POLE4: variants seen among roughly 807,000 people sequenced by gnomAD.
POLE4 encodes the protein DNA polymerase epsilon subunit 4.
Under a neutral mutation model 15.6 loss-of-function variants are expected in POLE4, and 15 were observed. The ratio of observed to expected loss-of-function variants is 0.96; its 90% confidence interval spans 0.64 to 1.48. The LOEUF (loss-of-function observed/expected upper bound fraction) is 1.48, where lower values mean the gene tolerates loss of function less well. POLE4 is among the 40% of genes most tolerant of loss of function. The probability of loss-of-function intolerance (pLI) is 0.00; values close to 1 mark genes in which losing one functional copy is unlikely to be tolerated. For missense variants in POLE4, 205 were observed against 151.9 expected, an observed-to-expected ratio of 1.35 and a Z score of -1.84; for synonymous variants, 83 against 63.2, an observed-to-expected ratio of 1.31 and a Z score of -1.49.
chr2:74,967,082 G>C (rs1238947215), intron 3 of POLE4, among the ~76,000 whole-genome samples: 3 of 152,050 alleles, frequency 2.0e-5, no homozygotes, highest in East Asian at 3.9e-4. Context: ...TATGTAGTTT[G>C]TTTGAGCTTC....
At chr2:74,968,255 T>A (rs1011799609) in intron 3 of POLE4, among the ~76,000 whole-genome samples, 2 of 152,322 alleles carry the variant, frequency 1.3e-5, no homozygotes, top group African/African-American at 2.4e-5. Flanking sequence ...TATTTTTTTT[T>A]AAATTAGAAG....
At chr2:74,964,983 A>G (rs1009702742) in intron 3 of POLE4, among the ~76,000 whole-genome samples, 15 of 152,114 alleles carry the variant, frequency 9.9e-5, no homozygotes, top group Non-Finnish European at 1.8e-4. Context: ...TAGATTTTTT[A>G]ACAGATTATG....
Position 74,958,664 on chromosome 2 carries a change from C to T in POLE4, c.-16C>T, listed in dbSNP as rs998283607. On this transcript the variant is annotated 5_prime_UTR_variant, in exon 1 of 4. Transcript: ENST00000483063. ...GCGCACAGTCGGCGGCCGCGCGCAGCACGCTCAAGGCCGGGATGGCGGCGG... is the reference window on the plus strand; with the variant it reads ...GCGCACAGTCGGCGGCCGCGCGCAGTACGCTCAAGGCCGGGATGGCGGCGG... The T allele has an allele frequency of 7.1e-6, 10 of 1,413,592 alleles. No homozygotes were observed. Among genetic ancestry groups the T allele is most frequent in the Middle Eastern group, 2.2e-4 (1 of 4,458 alleles). 87.6% of individuals were successfully genotyped at this position (1,413,592 alleles called of 1,614,324 possible).
Position 74,969,523 on chromosome 2 carries a change from C to T in POLE4, c.*101C>T, listed in dbSNP as rs532837024. The T allele has an allele frequency of 8.8e-6, 9 of 1,028,056 alleles. No individual in the cohort carries two copies. Among genetic ancestry groups the T allele is most frequent in the Non-Finnish European group, 1.4e-5 (9 of 645,256 alleles). 63.7% of individuals were successfully genotyped at this position (1,028,056 alleles called of 1,614,324 possible). On this transcript the variant is annotated 3_prime_UTR_variant, in exon 4 of 4. Transcript: ENST00000483063. ...AGAACGGAGTCTTTGCACTTACACA[C>T]ACTCTTCCTGTTCTGCCTTCACCTA...
intron 2 of POLE4, 141 bp from the exon 3 acceptor site, chr2:74,959,964 A>T (rs1671191920): frequency 1.5e-6 from 1 of 686,344 alleles, no homozygotes; most frequent in Non-Finnish European, 2.6e-6. Flanking sequence ...GTAGATATGG[A>T]TCTCAAGGCA....
In POLE4 at chr2:74,958,670, C is replaced by T. The variant is rs553748937; in HGVS notation, c.-10C>T. 18 of 1,441,044 alleles carry T rather than the reference C, an allele frequency of 1.2e-5. No homozygotes were observed. Among genetic ancestry groups the T allele is most frequent in the Non-Finnish European group, 1.6e-5 (18 of 1,104,018 alleles). The allele number at this position is 1,441,044 out of a possible 1,614,324, so 89.3% of individuals were successfully genotyped here. On this transcript the variant is annotated 5_prime_UTR_variant, in exon 1 of 4. Coordinates refer to ENST00000483063, the MANE Select transcript of POLE4 (RefSeq NM_019896.4). ...AGTCGGCGGCCGCGCGCAGCACGCT[C>T]AAGGCCGGGATGGCGGCGGCGGCGG...
At chr2:74,961,892 G>A (rs1671225740) in intron 3 of POLE4, among the ~76,000 whole-genome samples, 1 of 152,044 alleles carries the variant, frequency 6.6e-6, no homozygotes, top group Admixed American at 6.5e-5. Context: ...ATGTCCTTAG[G>A]TGTGTATGGT....
chr2:74,959,024 G>A, intron 1 of POLE4, 132 bp downstream of exon 1: 2 of 785,432 alleles, frequency 2.5e-6, no homozygotes, highest in Non-Finnish European at 2.0e-6. Context: ...CCCGGAAGGC[G>A]GAGGAAAGGG....
intron 3 of POLE4, among the ~76,000 whole-genome samples, chr2:74,964,778 A>G (rs992450959): frequency 3.3e-5 from 5 of 152,126 alleles, no homozygotes; most frequent in African/African-American, 9.7e-5. Flanking sequence ...ACATAGTAGT[A>G]TATCATCTGC....
intron 2 of POLE4, chr2:74,959,689 A>AT (rs529775387): frequency 1.2e-4 from 49 of 425,968 alleles, no homozygotes; most frequent in African/African-American, 9.6e-4. Context: ...AGAAAAAGAT[A>AT]TTTCTTTTTC....
chr2:74,968,630 T>G (rs1167607295), intron 3 of POLE4, among the ~76,000 whole-genome samples: 8 of 151,764 alleles, frequency 5.3e-5, no homozygotes, highest in African/African-American at 9.7e-5. Context: ...ATCTTTGTTT[T>G]TTTTTTTTTT....
intron 3 of POLE4, chr2:74,960,637 G>A: frequency 2.1e-6 from 1 of 468,000 alleles, no homozygotes; most frequent in African/African-American, 2.0e-5. Flanking sequence ...CATTAAAAAA[G>A]AAAATATTTG....
intron 1 of POLE4, 137 bp from the exon 2 acceptor site, chr2:74,959,204 A>G (rs1320573937): frequency 1.6e-6 from 1 of 638,492 alleles, no homozygotes. Flanking sequence ...CATGAAGTCC[A>G]GGACAATCTT....
intron 3 of POLE4, chr2:74,960,531 C>T: frequency 2.1e-6 from 1 of 481,280 alleles, no homozygotes; most frequent in East Asian, 5.6e-5. Flanking sequence ...TTTTCTTCAA[C>T]AATCTGTGTG....
Position 74,958,670 on chromosome 2 carries a change from C to G in POLE4, c.-10C>G, listed in dbSNP as rs553748937. 568 of 1,441,044 alleles carry G rather than the reference C, an allele frequency of 3.9e-4. 1 individual carries two copies. The African/African-American group carries it at 8.0e-3, about 20-fold the overall frequency. 89.3% of individuals were successfully genotyped at this position (1,441,044 alleles called of 1,614,324 possible). On this transcript the variant is annotated 5_prime_UTR_variant, in exon 1 of 4. Transcript: ENST00000483063. Reference sequence around the variant, plus strand: ...AGTCGGCGGCCGCGCGCAGCACGCTCAAGGCCGGGATGGCGGCGGCGGCGG... The same window carrying G: ...AGTCGGCGGCCGCGCGCAGCACGCTGAAGGCCGGGATGGCGGCGGCGGCGG...
At chr2:74,964,278 C>T (rs1043106189) in intron 3 of POLE4, among the ~76,000 whole-genome samples, 1 of 152,178 alleles carries the variant, frequency 6.6e-6, no homozygotes, top group African/African-American at 2.4e-5. Flanking sequence ...AGCAGATCTT[C>T]CCACCTTGTT....
chr2:74,964,414 A>G (rs1671268611), intron 3 of POLE4, among the ~76,000 whole-genome samples: 1 of 152,204 alleles, frequency 6.6e-6, no homozygotes, highest in Admixed American at 6.5e-5. Context: ...TGTGGGGAAG[A>G]AACGATATCT....
At position 74,965,565 on chromosome 2, in the gene POLE4, C is replaced by A. The variant is rs571485496; in HGVS notation, c.341-3844C>A. Among the ~76,000 whole-genome samples, 21 of 152,208 alleles carry A rather than the reference C, an allele frequency of 1.4e-4. No homozygotes were observed. The South Asian group carries it at 3.1e-3, about 23-fold the overall frequency. The stretch of plus-strand genomic sequence containing the variant: ...GTTCTTACTGAATTTCTTCTGTCTG[C>A]TTATTTTACCTGTTTCAAAGAGTTA... On this transcript the variant is annotated intron_variant, in intron 3 of 3. Coordinates refer to ENST00000483063, the MANE Select transcript of POLE4 (RefSeq NM_019896.4).
intron 3 of POLE4, chr2:74,960,626 T>C (rs1295220927): frequency 4.2e-6 from 2 of 481,374 alleles, no homozygotes; most frequent in Admixed American, 4.4e-5. Context: ...CTAAATTTTG[T>C]CATTAAAAAA....
Sources: gnomAD v4.1 joint callset for allele counts (sites outside exome capture counted in the v4.1 genomes callset) on GRCh38, gnomAD v4.1.1 for gene constraint, MANE v1.5 for transcripts, NCBI Gene and HGNC (gene_info 2026-07-23, HGNC 2026-07-21) for gene names.